KIAA1549L: variants seen among roughly 807,000 people sequenced by gnomAD.
The protein encoded by KIAA1549L is UPF0606 protein KIAA1549L.
Under a neutral mutation model 160.7 loss-of-function variants are expected in KIAA1549L, and 88 were observed. That is an observed-to-expected ratio of 0.55 (90% confidence interval 0.46 to 0.65). The LOEUF is 0.65. Ranked by LOEUF, KIAA1549L falls within the 30% of genes least tolerant of loss-of-function variation. The probability of loss-of-function intolerance (pLI) is 0.00; values close to 1 mark genes in which losing one functional copy is unlikely to be tolerated. For missense variants in KIAA1549L, 2,258 were observed against 2,437.5 expected, an observed-to-expected ratio of 0.93 and a Z score of 1.55; for synonymous variants, 950 against 976.7, an observed-to-expected ratio of 0.97 and a Z score of 0.51.
intron 12 of KIAA1549L, among the ~76,000 whole-genome samples, chr11:33,598,229 T>TGTGTGA (rs138775051): frequency 1.4e-5 from 2 of 147,950 alleles, no homozygotes; most frequent in African/African-American, 2.5e-5. Flanking sequence ...TGTGTGTGTG[T>TGTGTGA]CAGAGTGAAG....
chr11:33,565,958 T>TC (rs1488939342), intron 8 of KIAA1549L, among the ~76,000 whole-genome samples: 1 of 151,892 alleles, frequency 6.6e-6, no homozygotes, highest in East Asian at 1.9e-4. Flanking sequence ...GGCTGCAGAG[T>TC]CGTGATCCTG....
At chr11:33,524,301 C>A (rs919922196) in intron 1 of KIAA1549L, among the ~76,000 whole-genome samples, 1 of 152,020 alleles carries the variant, frequency 6.6e-6, no homozygotes, top group South Asian at 2.1e-4. Flanking sequence ...TGCCTCCTTT[C>A]TCATTCCTAA....
intron 1 of KIAA1549L, among the ~76,000 whole-genome samples, chr11:33,442,512 T>C (rs567160168): frequency 1.3e-5 from 2 of 152,348 alleles, no homozygotes; most frequent in East Asian, 3.9e-4. Flanking sequence ...GATGTATTTT[T>C]CCTTCCATTT....
chr11:33,411,243 AT>A (rs1260515284), intron 1 of KIAA1549L, among the ~76,000 whole-genome samples: 1 of 152,190 alleles, frequency 6.6e-6, no homozygotes, highest in African/African-American at 2.4e-5. Flanking sequence ...CTAATCTGAG[AT>A]GATAGCCTTA....
intron 1 of KIAA1549L, among the ~76,000 whole-genome samples, chr11:33,398,130 C>A (rs188108547): frequency 1.4e-4 from 21 of 151,842 alleles, no homozygotes; most frequent in Non-Finnish European, 2.2e-4. Context: ...CCATGTAGGC[C>A]AGGCTGCTCT....
intron 8 of KIAA1549L, among the ~76,000 whole-genome samples, chr11:33,564,326 A>G (rs182521754): frequency 4.4e-4 from 67 of 152,300 alleles, no homozygotes; most frequent in Admixed American, 4.1e-3. Flanking sequence ...CTCATTTCTA[A>G]CAGCCAAGAG....
chr11:33,464,389 G>T lies in KIAA1549L; in HGVS notation c.239-77413G>T, dbSNP rs116267157. Among the ~76,000 whole-genome samples, 1,085 of 152,176 alleles carry T rather than the reference G, an allele frequency of 7.1e-3. 15 individuals carry two copies. The highest frequency in any genetic ancestry group is 0.025 in the African/African-American group (1,046 of 41,502). ...AGATAGAAAGATGAGTAAGACTTGA[G>T]TCTCTCGCTTATATCCTAGTGGAGA... On this transcript the variant is annotated intron_variant, in intron 1 of 20. Transcript: ENST00000658780.
rs373753277 is a variant in KIAA1549L at position 33,625,900 on chromosome 11, G to A, written c.5409+7238G>A. 4.6e-4 allele frequency among the ~76,000 whole-genome samples: 69 copies of A among 151,404 alleles called. No homozygotes were observed. The Middle Eastern group carries it at 0.01, about 23-fold the overall frequency. On this transcript the variant is annotated intron_variant, in intron 16 of 20. Transcript: ENST00000658780. ...GGGTTTTTATGGTTTTAGGTCTAACGTTTAAGTCTTTAATCCATCTTGAAT... is the reference window on the plus strand; with the variant it reads ...GGGTTTTTATGGTTTTAGGTCTAACATTTAAGTCTTTAATCCATCTTGAAT...
At chr11:33,525,522 A>C (rs1853591006) in intron 1 of KIAA1549L, among the ~76,000 whole-genome samples, 3 of 149,428 alleles carry the variant, frequency 2.0e-5, no homozygotes, top group Admixed American at 6.8e-5. Flanking sequence ...AGGTGATGGA[A>C]GCTTCTGGCT....
chr11:33,545,529 G>C (rs1854222731), intron 3 of KIAA1549L, among the ~76,000 whole-genome samples, 151 bp downstream of exon 3: 1 of 152,212 alleles, frequency 6.6e-6, no homozygotes, highest in Admixed American at 6.5e-5. Flanking sequence ...ATTTTTGGTT[G>C]TTATGCTTGA....
intron 14 of KIAA1549L, 128 bp downstream of exon 14, chr11:33,606,950 C>A: frequency 1.4e-6 from 1 of 712,862 alleles, no homozygotes; most frequent in Non-Finnish European, 2.3e-6. Context: ...TTTACCTCTG[C>A]ATGTACCAGG....
intron 15 of KIAA1549L, among the ~76,000 whole-genome samples, chr11:33,612,313 A>G (rs1413878601): frequency 6.6e-6 from 1 of 152,258 alleles, no homozygotes; most frequent in African/African-American, 2.4e-5. Flanking sequence ...TACTGTTCAC[A>G]GTATAACCCT....
chr11:33,618,495 C>A, intron 15 of KIAA1549L, 38 bp from the exon 16 acceptor site: 1 of 1,567,450 alleles, frequency 6.4e-7, no homozygotes, highest in Non-Finnish European at 8.7e-7. Context: ...TCTGTCAGGG[C>A]ATTTGCTGCA....
At chr11:33,512,493 G>C (rs560058369) in intron 1 of KIAA1549L, among the ~76,000 whole-genome samples, 3 of 152,102 alleles carry the variant, frequency 2.0e-5, no homozygotes, top group Non-Finnish European at 4.4e-5. Flanking sequence ...TGCAATCTCG[G>C]CTCACAGGAA....
intron 15 of KIAA1549L, among the ~76,000 whole-genome samples, chr11:33,618,066 T>C (rs1307214094): frequency 2.0e-5 from 3 of 152,248 alleles, no homozygotes; most frequent in African/African-American, 7.2e-5. Flanking sequence ...TCCACAGTCA[T>C]AATGTTAAGC....
intron 1 of KIAA1549L, among the ~76,000 whole-genome samples, chr11:33,391,746 C>T (rs551062746): frequency 5.2e-4 from 79 of 152,294 alleles, no homozygotes; most frequent in Non-Finnish European, 9.1e-4. Context: ...GAAGTGTCAA[C>T]AGTGTGGATC....
At chr11:33,468,094 A>AT (rs1412458170) in intron 1 of KIAA1549L, among the ~76,000 whole-genome samples, 8 of 152,204 alleles carry the variant, frequency 5.3e-5, no homozygotes, top group Admixed American at 1.3e-4. Context: ...GTTTTTAATC[A>AT]TTTTTTAAGT....
Position 33,543,129 on chromosome 11 carries a change from A to C in KIAA1549L, c.1566A>C (p.Glu522Asp). The change falls in exon 2 of 21, where the codon GAA becomes GAC. Residue 522 changes from glutamate to aspartate, a missense_variant. Physicochemically the swap from Glu to Asp is conservative, Grantham distance 45. Around this residue, in one of 6 missense-constraint regions of KIAA1549L, gnomAD observed 540 missense variants for 465.7 expected, o/e 1.16. Transcript: ENST00000658780. The stretch of plus-strand genomic sequence containing the variant: ...ATGCCTCCCCATCTCCTGTGCCAGA[A>C]ATGCCCACTCTTCCAGCAGAGGGCA... Reference protein sequence around the residue: ...ENHASPSPVPEMPTLPAEGSD... With the variant: ...ENHASPSPVPDMPTLPAEGSD... 7.4e-6 allele frequency: 12 copies of C among 1,613,850 alleles called. No homozygotes were observed. The highest frequency in any genetic ancestry group is 1.0e-5 in the Non-Finnish European group (12 of 1,179,884).
chr11:33,635,870 T>A (rs916614703), intron 16 of KIAA1549L, among the ~76,000 whole-genome samples: 6 of 152,230 alleles, frequency 3.9e-5, no homozygotes, highest in Non-Finnish European at 8.8e-5. Context: ...CCTGCCCTCA[T>A]GGGGCTTATC....
Sources: gnomAD v4.1 joint callset for allele counts (sites outside exome capture counted in the v4.1 genomes callset) on GRCh38, gnomAD v4.1.1 for gene constraint, gnomAD v4.1.1 regional missense constraint, MANE v1.5 for transcripts, NCBI Gene and HGNC (gene_info 2026-07-23, HGNC 2026-07-21) for gene names.